The following SDK1 variants were observed in gnomAD, a reference collection of about 807,000 sequenced individuals.
The protein encoded by SDK1 is protein sidekick-1.
Under a neutral mutation model 245.5 loss-of-function variants are expected in SDK1, and 157 were observed. That is an observed-to-expected ratio of 0.64 (90% CI 0.56 to 0.73). The LOEUF is 0.73. SDK1 is among the 30% of genes least tolerant of loss of function. The pLI, the probability that SDK1 is intolerant of heterozygous loss-of-function variation, is 0.00. For missense variants in SDK1, 3,583 were observed against 3,002.3 expected (o/e 1.19, Z -4.52); for synonymous variants, 1,647 against 1,278.5 (o/e 1.29, Z -6.15).
chr7:3,421,509 C>G (rs1383288856), intron 1 of SDK1, among the ~76,000 whole-genome samples: 1 of 152,132 alleles, frequency 6.6e-6, no homozygotes, highest in Non-Finnish European at 1.5e-5. Flanking sequence ...GACCTTTTGA[C>G]TTAAATATCT....
intron 4 of SDK1, among the ~76,000 whole-genome samples, chr7:3,660,013 A>C (rs1272173030): frequency 6.6e-6 from 1 of 152,214 alleles, no homozygotes; most frequent in Admixed American, 6.5e-5. Context: ...CCCGTGAAGT[A>C]TCTGGTGACA....
intron 4 of SDK1, among the ~76,000 whole-genome samples, chr7:3,798,844 A>G (rs1195391472): frequency 6.6e-6 from 1 of 152,052 alleles, no homozygotes; most frequent in Non-Finnish European, 1.5e-5. Flanking sequence ...AATTAATTAA[A>G]TTTTGCGTAG....
At chr7:3,581,306 G>T (rs186877231) in intron 1 of SDK1, among the ~76,000 whole-genome samples, 1 of 152,132 alleles carries the variant, frequency 6.6e-6, no homozygotes. Context: ...GAACTAAACA[G>T]ATGCTAATCA....
At position 3,489,682 on chromosome 7, in the gene SDK1, A is replaced by G. The variant is rs1478293834; in HGVS notation, c.299-129398A>G. Among the ~76,000 whole-genome samples, 21 of 152,336 alleles carry G rather than the reference A, an allele frequency of 1.4e-4. No homozygotes were observed. The East Asian group carries it at 4.0e-3, about 29-fold the overall frequency. ...TTTTCTGCATATTTGTAATTCAGGG[A>G]AAGTTTCTAATGTGAAAAATAAAGT... is the stretch of plus-strand genomic sequence containing the variant. On this transcript the variant is annotated intron_variant, in intron 1 of 44. Transcript: ENST00000404826.
intron 1 of SDK1, among the ~76,000 whole-genome samples, chr7:3,554,276 A>C (rs1779514761): frequency 6.6e-6 from 1 of 152,230 alleles, no homozygotes; most frequent in Admixed American, 6.5e-5. Flanking sequence ...AGTCTATTAG[A>C]AATCAGTAAC....
At chr7:3,941,657 C>T (rs907438999) in intron 5 of SDK1, among the ~76,000 whole-genome samples, 3 of 152,230 alleles carry the variant, frequency 2.0e-5, no homozygotes, top group African/African-American at 7.2e-5. Flanking sequence ...CACTCCACGG[C>T]CTGCCATCTC....
chr7:3,333,330 C>G (rs1277130809), intron 1 of SDK1, among the ~76,000 whole-genome samples: 1 of 152,168 alleles, frequency 6.6e-6, no homozygotes, highest in African/African-American at 2.4e-5. Context: ...AAAGTACATA[C>G]AAATGGTGTA....
intron 22 of SDK1, among the ~76,000 whole-genome samples, chr7:4,084,298 T>C (rs1435106172): frequency 1.3e-5 from 2 of 152,232 alleles, no homozygotes; most frequent in Admixed American, 6.5e-5. Flanking sequence ...CTGAGTATCA[T>C]CATGAAAGCA....
chr7:3,954,275 C>T (rs1421619037), intron 7 of SDK1, among the ~76,000 whole-genome samples: 9 of 96,128 alleles, frequency 9.4e-5, no homozygotes, highest in African/African-American at 3.9e-4. Flanking sequence ...CCTCCTCTCC[C>T]GCATCACCTC....
At chr7:3,368,586 A>G (rs886267157) in intron 1 of SDK1, among the ~76,000 whole-genome samples, 2 of 152,212 alleles carry the variant, frequency 1.3e-5, no homozygotes, top group African/African-American at 4.8e-5. Flanking sequence ...CTGTGAGGAC[A>G]GTAACAGAGG....
chr7:3,672,816 G>C (rs1383145980), intron 4 of SDK1, among the ~76,000 whole-genome samples: 2 of 69,832 alleles, frequency 2.9e-5, no homozygotes, highest in African/African-American at 1.2e-4. Context: ...AAAGCTCTAA[G>C]TATGCACAGA....
At chr7:3,302,593 C>G (rs979667795) in intron 1 of SDK1, 1 of 152,008 alleles carries the variant, frequency 6.6e-6, no homozygotes, top group Non-Finnish European at 1.5e-5. Context: ...CTTTCCTTCC[C>G]AAATCTGGGC....
At position 3,403,238 on chromosome 7, in the gene SDK1, C is replaced by A. The variant is rs546411527; in HGVS notation, c.298+101354C>A. 2.0e-5 allele frequency among the ~76,000 whole-genome samples: 3 copies of A among 152,220 alleles called. No homozygotes were observed. In the South Asian group the frequency reaches 6.2e-4, roughly 32 times the overall value. On this transcript the variant is annotated intron_variant, in intron 1 of 44. Coordinates refer to ENST00000404826, the MANE Select transcript of SDK1 (RefSeq NM_152744.4). ...TGTGAGTCACCATGCCTGACCTATA[C>A]TTCTGTTTCTTATGAGCTTACTTAT... is the stretch of plus-strand genomic sequence containing the variant.
intron 44 of SDK1, among the ~76,000 whole-genome samples, chr7:4,249,770 A>T (rs557619307): frequency 8.0e-4 from 122 of 152,332 alleles, no homozygotes; most frequent in Non-Finnish European, 1.9e-4. Context: ...CTCCATATTC[A>T]TGGGATCCCA....
intron 1 of SDK1, among the ~76,000 whole-genome samples, chr7:3,562,839 A>G (rs192659213): frequency 9.9e-6 from 1 of 101,180 alleles, no homozygotes; most frequent in East Asian, 2.8e-4. Context: ...AAGTTTCTAT[A>G]TAAAGAGCCA....
At chr7:3,834,595 C>T (rs1313501030) in intron 5 of SDK1, among the ~76,000 whole-genome samples, 2 of 152,140 alleles carry the variant, frequency 1.3e-5, no homozygotes, top group African/African-American at 4.8e-5. Context: ...CGGGAACTGC[C>T]ATAACCACCG....
At chr7:4,050,392 T>G (rs562582945) in intron 18 of SDK1, among the ~76,000 whole-genome samples, 13 of 152,236 alleles carry the variant, frequency 8.5e-5, no homozygotes, top group Non-Finnish European at 1.6e-4. Flanking sequence ...AAAATCATAT[T>G]GATCAAGCAA....
chr7:3,429,338 AGTT>A (rs1033154016), intron 1 of SDK1, among the ~76,000 whole-genome samples: 89 of 151,942 alleles, frequency 5.9e-4, no homozygotes, highest in Non-Finnish European at 1.0e-3. Flanking sequence ...CAGGTGTTAT[AGTT>A]GTTATTTAGA....
intron 1 of SDK1, among the ~76,000 whole-genome samples, chr7:3,439,686 T>G (rs1161713104): frequency 6.6e-6 from 1 of 152,256 alleles, no homozygotes; most frequent in Non-Finnish European, 1.5e-5. Context: ...GATGCACTTT[T>G]GGATAAGATA....
Sources: gnomAD v4.1 joint callset for allele counts (sites outside exome capture counted in the v4.1 genomes callset) on GRCh38, gnomAD v4.1.1 for gene constraint, MANE v1.5 for transcripts, NCBI Gene and HGNC (gene_info 2026-07-23, HGNC 2026-07-21) for gene names.